The following KIRREL3 variants were observed in gnomAD, a reference collection of about 807,000 sequenced individuals.
KIRREL3 encodes kirre like nephrin family adhesion molecule 3, also known as kin of IRRE-like protein 3.
A neutral mutation model predicts 89.7 loss-of-function variants in KIRREL3; 36 were observed. The observed-to-expected ratio is 0.40, with a 90% CI of 0.31 to 0.53. The LOEUF (loss-of-function observed/expected upper bound fraction) is 0.53. KIRREL3 is among the 20% of genes least tolerant of loss of function. The pLI is 0.49. For synonymous variants in KIRREL3, 445 were observed against 441.4 expected, an observed-to-expected ratio of 1.01 and a Z score of -0.10; for missense variants, 864 against 1,056.6, an observed-to-expected ratio of 0.82 and a Z score of 2.53.
intron 5 of KIRREL3, among the ~76,000 whole-genome samples, chr11:126,465,486 A>G (rs535556387): frequency 6.6e-6 from 1 of 152,238 alleles, no homozygotes; most frequent in African/African-American, 2.4e-5. Context: ...ACAGGGAGAA[A>G]CCTGTAAGCT....
chr11:126,884,109 A>G (rs1449650248), intron 1 of KIRREL3, among the ~76,000 whole-genome samples: 2 of 152,242 alleles, frequency 1.3e-5, no homozygotes, highest in Non-Finnish European at 2.9e-5. Flanking sequence ...GTTCAAGTCT[A>G]TTAATTAGAA....
rs1365900593 is a variant in KIRREL3 at position 126,647,124 on chromosome 11, C to T, written c.56-84212G>A. Reference sequence around the variant, plus strand: ...GAGGCTCGGCACTTTTCATTTTAGGCACTTTTCTAGGCAAGTCTGATGGGG... The same window carrying T: ...GAGGCTCGGCACTTTTCATTTTAGGTACTTTTCTAGGCAAGTCTGATGGGG... On this transcript the variant is annotated intron_variant, in intron 1 of 16. Coordinates refer to ENST00000525144, the MANE Select transcript of KIRREL3 (RefSeq NM_032531.4). The surrounding 1 kb of genome is among the most constrained non-coding windows in gnomAD (Gnocchi z 4.9). Among the ~76,000 whole-genome samples the T allele has an allele frequency of 6.6e-6, 1 of 152,178 alleles. No homozygotes were observed. The highest frequency in any genetic ancestry group is 1.5e-5 in the Non-Finnish European group (1 of 68,034).
intron 2 of KIRREL3, among the ~76,000 whole-genome samples, chr11:126,543,763 T>G (rs1417987794): frequency 6.6e-6 from 1 of 152,240 alleles, no homozygotes; most frequent in Non-Finnish European, 1.5e-5. Context: ...CAAAAGTCGT[T>G]GGCACCACTT....
In KIRREL3 at chr11:126,814,759, G is replaced by C. The variant is rs1379237642; in HGVS notation, c.55+185696C>G. On this transcript the variant is annotated intron_variant, in intron 1 of 16. Coordinates refer to ENST00000525144, the MANE Select transcript of KIRREL3 (RefSeq NM_032531.4). This position sits in a 1 kb window ranked among gnomAD's most constrained non-coding sequence, Gnocchi z 4.4. ...CAGGGAGGGGAACAACACACACTGG[G>C]ACCTGATGGGGGTGTGGGTTGGGGG... Among the ~76,000 whole-genome samples, 1 of 152,152 alleles carries C rather than the reference G, an allele frequency of 6.6e-6. No homozygotes were observed. Among genetic ancestry groups the C allele is most frequent in the Non-Finnish European group, 1.5e-5 (1 of 68,024 alleles).
At chr11:126,841,952 G>A (rs532293809) in intron 1 of KIRREL3, among the ~76,000 whole-genome samples, 1 of 152,348 alleles carries the variant, frequency 6.6e-6, no homozygotes, top group East Asian at 1.9e-4. Flanking sequence ...GTCCTAGGGG[G>A]TAACCTTGCT....
Position 126,831,104 on chromosome 11 carries a change from C to A in KIRREL3, c.55+169351G>T, listed in dbSNP as rs547051274. 7.9e-4 allele frequency among the ~76,000 whole-genome samples: 121 copies of A among 152,296 alleles called. 1 individual carries two copies. The highest frequency in any genetic ancestry group is 4.8e-3 in the South Asian group (23 of 4,814). On this transcript the variant is annotated intron_variant, in intron 1 of 16. Coordinates refer to ENST00000525144, the MANE Select transcript of KIRREL3 (RefSeq NM_032531.4). ...AAGCAAATTGTTTATTTTGTATGGGCCTCACTGTCTGCACCTATAAAACAG... is the reference window on the plus strand; with the variant it reads ...AAGCAAATTGTTTATTTTGTATGGGACTCACTGTCTGCACCTATAAAACAG...
intron 1 of KIRREL3, among the ~76,000 whole-genome samples, chr11:126,590,951 G>C (rs989166922): frequency 6.6e-6 from 1 of 152,194 alleles, no homozygotes; most frequent in Non-Finnish European, 1.5e-5. Flanking sequence ...GGCTGGGTGC[G>C]GTGGCTCACA....
chr11:126,882,932 G>A (rs1478577188), intron 1 of KIRREL3, among the ~76,000 whole-genome samples: 1 of 152,194 alleles, frequency 6.6e-6, no homozygotes, highest in South Asian at 2.1e-4. Context: ...TTCAATGACT[G>A]TGCAGTAGAG....
chr11:126,555,928 G>T lies in KIRREL3; in HGVS notation c.133+6907C>A, dbSNP rs1213183371. ...GCTAATTTTTTGTGTTTTTGGTAGA[G>T]GTGGGGTTTCACTATTTTGGCCAGG... is the stretch of plus-strand genomic sequence containing the variant. On this transcript the variant is annotated intron_variant, in intron 2 of 16. Coordinates refer to ENST00000525144, the MANE Select transcript of KIRREL3 (RefSeq NM_032531.4). This position sits in a 1 kb window ranked among gnomAD's most constrained non-coding sequence, Gnocchi z 4.2. Among the ~76,000 whole-genome samples the T allele has an allele frequency of 6.6e-6, 1 of 152,080 alleles. No homozygotes were observed. Among genetic ancestry groups the T allele is most frequent in the African/African-American group, 2.4e-5 (1 of 41,406 alleles).
chr11:126,855,336 C>T (rs181952376), intron 1 of KIRREL3, among the ~76,000 whole-genome samples: 9 of 152,280 alleles, frequency 5.9e-5, no homozygotes, highest in Admixed American at 3.3e-4. Flanking sequence ...CCGGCTCCTG[C>T]GCCTTCTCTC....
chr11:126,717,764 G>A (rs115428215), intron 1 of KIRREL3, among the ~76,000 whole-genome samples: 121 of 152,234 alleles, frequency 7.9e-4, no homozygotes, highest in African/African-American at 2.8e-3. Flanking sequence ...ATTTTCTGCC[G>A]AGCCTCAGCA....
rs577612618 is a variant in KIRREL3 at position 126,915,737 on chromosome 11, A to G, written c.55+84718T>C. 3.3e-5 allele frequency among the ~76,000 whole-genome samples: 5 copies of G among 152,370 alleles called. No individual in the cohort carries two copies. In the East Asian group the frequency reaches 5.8e-4, roughly 18 times the overall value. On this transcript the variant is annotated intron_variant, in intron 1 of 16. Coordinates refer to ENST00000525144, the MANE Select transcript of KIRREL3 (RefSeq NM_032531.4). ...TTTGTAAGTTCTCTCCTGGTAGCTG[A>G]TAACTGTTTTAGTCACATTGTAGTC...
chr11:126,839,898 T>A (rs552827562), intron 1 of KIRREL3, among the ~76,000 whole-genome samples: 1 of 152,322 alleles, frequency 6.6e-6, no homozygotes, highest in Admixed American at 6.5e-5. Flanking sequence ...CTGTCATGAA[T>A]ATTTAAGTGG....
At chr11:126,862,119 T>A (rs1384063841) in intron 1 of KIRREL3, among the ~76,000 whole-genome samples, 1 of 152,194 alleles carries the variant, frequency 6.6e-6, no homozygotes, top group Non-Finnish European at 1.5e-5. Flanking sequence ...TGAAAAGACA[T>A]TCAAGAGTTT....
At chr11:126,721,161 G>T (rs1948155133) in intron 1 of KIRREL3, among the ~76,000 whole-genome samples, 1 of 152,166 alleles carries the variant, frequency 6.6e-6, no homozygotes, top group Admixed American at 6.5e-5. Flanking sequence ...CTCAAATTCT[G>T]GTGCTCATTC....
Position 126,462,910 on chromosome 11 carries a change from C to T in KIRREL3, c.742+247G>A, listed in dbSNP as rs1469717366. Among the ~76,000 whole-genome samples the T allele has an allele frequency of 1.3e-5, 2 of 152,186 alleles. No individual in the cohort carries two copies. Among genetic ancestry groups the T allele is most frequent in the Admixed American group, 6.5e-5 (1 of 15,284 alleles). On this transcript the variant is annotated intron_variant, in intron 6 of 16. Coordinates refer to ENST00000525144, the MANE Select transcript of KIRREL3 (RefSeq NM_032531.4). The surrounding 1 kb of genome is among the most constrained non-coding windows in gnomAD (Gnocchi z 4.8). The stretch of plus-strand genomic sequence containing the variant: ...ACCGTATTTATTGGTGTGAAAGTCC[C>T]ACCTTGTACAGGTGTTGAAATGTGG...
intron 1 of KIRREL3, among the ~76,000 whole-genome samples, chr11:126,718,412 C>G (rs924914329): frequency 6.6e-6 from 1 of 152,198 alleles, no homozygotes; most frequent in Non-Finnish European, 1.5e-5. Context: ...GATGACTCAC[C>G]AAATCACAGA....
intron 1 of KIRREL3, among the ~76,000 whole-genome samples, chr11:126,790,673 C>T (rs1203442761): frequency 1.3e-5 from 2 of 152,160 alleles, no homozygotes; most frequent in African/African-American, 4.8e-5. Context: ...AATGAGTTCA[C>T]GAGCAGAGTC....
intron 4 of KIRREL3, among the ~76,000 whole-genome samples, chr11:126,518,059 C>T (rs890508795): frequency 5.9e-5 from 9 of 152,248 alleles, no homozygotes; most frequent in African/African-American, 2.2e-4. Flanking sequence ...CAGTCTTTGC[C>T]TCTCTCAGCT....
Sources: gnomAD v4.1 joint callset for allele counts (sites outside exome capture counted in the v4.1 genomes callset) on GRCh38, gnomAD v4.1.1 for gene constraint, Gnocchi (gnomAD v3.1) non-coding constraint, MANE v1.5 for transcripts, NCBI Gene and HGNC (gene_info 2026-07-23, HGNC 2026-07-21) for gene names.